Variants in IER3IP1 observed in about 807,000 individuals in gnomAD.
IER3IP1 encodes immediate early response 3 interacting protein 1.
In IER3IP1, 16 loss-of-function variants were observed where a neutral mutation model predicts 12.2. The ratio of observed to expected loss-of-function variants is 1.31; its 90% CI spans 0.89 to 1.99. The LOEUF is 1.99. IER3IP1 is among the 30% of genes most tolerant of loss of function. IER3IP1 has a pLI of 0.00. For missense variants in IER3IP1, 95 were observed against 95.8 expected, an observed-to-expected ratio of 0.99 and a Z score of 0.03; for synonymous variants, 42 against 40.0, an observed-to-expected ratio of 1.05 and a Z score of -0.19.
In IER3IP1 at chr18:47,156,197, A is replaced by C. The variant is rs1189133572; in HGVS notation, c.229T>G (p.Leu77Val). The change falls in exon 3 of 3, where the codon TTA (leucine) becomes GTA (valine). Residue 77 changes from leucine (L) to valine (V), a missense_variant. Transcript: ENST00000256433. ...LIIVNSIAIV[L>V]LLLFG ...GATATTCATCCAAATAATAAAAGTAACACAATTGCAATTGAGTTTACTATT... is the reference window on the plus strand; with the variant it reads ...GATATTCATCCAAATAATAAAAGTACCACAATTGCAATTGAGTTTACTATT... The C allele has an allele frequency of 1.3e-6, 2 of 1,566,042 alleles. No homozygotes were observed. The highest frequency in any genetic ancestry group is 1.8e-6 in the Non-Finnish European group (2 of 1,136,726).
chr18:47,159,668 C>G (rs1205601250), intron 1 of IER3IP1, among the ~76,000 whole-genome samples: 2 of 152,108 alleles, frequency 1.3e-5, no homozygotes, highest in Admixed American at 6.5e-5. Flanking sequence ...TGTGTTATTA[C>G]AGGGAGAGAT....
At chr18:47,171,678 A>G (rs980584422) in intron 1 of IER3IP1, among the ~76,000 whole-genome samples, 18 of 152,136 alleles carry the variant, frequency 1.2e-4, no homozygotes, top group African/African-American at 3.4e-4. Flanking sequence ...CTTTCACTGT[A>G]ATCTTTATTA....
At position 47,172,862 on chromosome 18, in the gene IER3IP1, G is replaced by A. The variant is rs1254771873; in HGVS notation, c.91+3325C>T. 6.6e-6 allele frequency among the ~76,000 whole-genome samples: 1 copy of A among 152,064 alleles called. No homozygotes were observed. Among genetic ancestry groups the A allele is most frequent in the Non-Finnish European group, 1.5e-5 (1 of 68,014 alleles). On this transcript the variant is annotated intron_variant, in intron 1 of 2. Transcript: ENST00000256433. The surrounding 1 kb of genome is among the most constrained non-coding windows in gnomAD (Gnocchi z 4.0). ...GACTCTGGTGAAATCCCACTGTCTA[G>A]GTTTTTCCATCTCTCTGTTTTGCTC...
chr18:47,157,557 G>C lies in IER3IP1; in HGVS notation c.92-20C>G, dbSNP rs201651367. 45 of 1,606,842 alleles carry C rather than the reference G, an allele frequency of 2.8e-5. No individual in the cohort carries two copies. Among genetic ancestry groups the C allele is most frequent in the Non-Finnish European group, 3.6e-5 (42 of 1,173,430 alleles). On this transcript the variant is annotated intron_variant, in intron 1 of 2. Coordinates refer to ENST00000256433, the MANE Select transcript of IER3IP1 (RefSeq NM_016097.5). ...AGCCAACTGTATAATGTAAAGATTAGCTGTGTTAAAAGTTATTACACACTT... is the reference window on the plus strand; with the variant it reads ...AGCCAACTGTATAATGTAAAGATTACCTGTGTTAAAAGTTATTACACACTT...
chr18:47,175,252 CAG>C (rs1462911270), intron 1 of IER3IP1, among the ~76,000 whole-genome samples: 11 of 152,120 alleles, frequency 7.2e-5, no homozygotes, highest in African/African-American at 1.2e-4. Context: ...TAAATTCTAG[CAG>C]AGTTTTTGGC....
rs2063958628 is a variant in IER3IP1 at position 47,156,245 on chromosome 18, A to G, written c.194-13T>C. On this transcript the variant is annotated splice_polypyrimidine_tract_variant and intron_variant, in intron 2 of 2. Transcript: ENST00000256433. Reference sequence around the variant, plus strand: ...ATTATCAATGGCACTGTAAAGAGAAAAAAAAAAGTTTGTTACTATAAAGAA... The same window carrying G: ...ATTATCAATGGCACTGTAAAGAGAAGAAAAAAAGTTTGTTACTATAAAGAA... 1 of 1,491,412 alleles carries G rather than the reference A, an allele frequency of 6.7e-7. No individual in the cohort carries two copies. Among genetic ancestry groups the G allele is most frequent in the Non-Finnish European group, 9.3e-7 (1 of 1,079,360 alleles). 92.4% of individuals were successfully genotyped at this position (1,491,412 alleles called of 1,614,324 possible).
At chr18:47,162,735 GA>G (rs1270883001) in intron 1 of IER3IP1, among the ~76,000 whole-genome samples, 1 of 151,970 alleles carries the variant, frequency 6.6e-6, no homozygotes, top group African/African-American at 2.4e-5. Context: ...ATCCCCAAAC[GA>G]AGGACATGAG....
At chr18:47,162,168 C>T (rs2063981976) in intron 1 of IER3IP1, among the ~76,000 whole-genome samples, 1 of 152,068 alleles carries the variant, frequency 6.6e-6, no homozygotes, top group Non-Finnish European at 1.5e-5. Flanking sequence ...AGGCCACAGA[C>T]CTATTAGGAA....
intron 1 of IER3IP1, among the ~76,000 whole-genome samples, chr18:47,174,450 C>G (rs2064024892): frequency 6.6e-6 from 1 of 152,140 alleles, no homozygotes; most frequent in Non-Finnish European, 1.5e-5. Flanking sequence ...GTGGGCAGAT[C>G]ACGAGGTCAG....
rs751355418 is a variant in IER3IP1 at position 47,176,304 on chromosome 18, A to G, written c.-27T>C. 1.3e-6 allele frequency: 2 copies of G among 1,576,868 alleles called. No homozygotes were observed. The highest frequency in any genetic ancestry group is 1.7e-6 in the Non-Finnish European group (2 of 1,157,776). On this transcript the variant is annotated 5_prime_UTR_variant, in exon 1 of 3. Coordinates refer to ENST00000256433, the MANE Select transcript of IER3IP1 (RefSeq NM_016097.5). ...GCCGTCCGAGGCCGCCCCGAAGTCC[A>G]AGCGATTTCTCTCCCGCCGCCGCAA... is the stretch of plus-strand genomic sequence containing the variant.
At chr18:47,165,171 A>C (rs2063992271) in intron 1 of IER3IP1, among the ~76,000 whole-genome samples, 1 of 152,236 alleles carries the variant, frequency 6.6e-6, no homozygotes, top group African/African-American at 2.4e-5. Flanking sequence ...TTTACATGTG[A>C]TCAAATGCTA....
intron 1 of IER3IP1, among the ~76,000 whole-genome samples, chr18:47,162,735 G>A (rs1379918928): frequency 1.3e-5 from 2 of 151,970 alleles, no homozygotes; most frequent in Non-Finnish European, 2.9e-5. Context: ...ATCCCCAAAC[G>A]AAGGACATGA....
At chr18:47,160,528 A>G (rs1244152587) in intron 1 of IER3IP1, among the ~76,000 whole-genome samples, 1 of 152,224 alleles carries the variant, frequency 6.6e-6, no homozygotes, top group Non-Finnish European at 1.5e-5. Flanking sequence ...CTGGTAGCCA[A>G]TCCACTCACC....
intron 2 of IER3IP1, 135 bp from the exon 3 acceptor site, chr18:47,156,367 C>T: frequency 1.6e-6 from 1 of 633,578 alleles, no homozygotes; most frequent in Non-Finnish European, 2.8e-6. Flanking sequence ...AAAGTTATAA[C>T]AAAGAAACAT....
intron 2 of IER3IP1, chr18:47,157,062 G>T (rs1442605513): frequency 9.0e-6 from 2 of 222,878 alleles, no homozygotes; most frequent in Non-Finnish European, 1.8e-5. Context: ...AAAGTGTTGG[G>T]ATTACAGGAG....
chr18:47,157,273 GAAAAAA>G, intron 2 of IER3IP1, 157 bp downstream of exon 2: 1 of 501,344 alleles, frequency 2.0e-6, no homozygotes, highest in Non-Finnish European at 3.3e-6. Flanking sequence ...AGCAAACTAA[GAAAAAA>G]AAAAAAAAAA....
At chr18:47,157,817 CTGTT>C (rs1568070821) in intron 1 of IER3IP1, among the ~76,000 whole-genome samples, 3 of 152,164 alleles carry the variant, frequency 2.0e-5, no homozygotes, top group Non-Finnish European at 2.9e-5. Flanking sequence ...ATCTTTGTAA[CTGTT>C]TTTTTCTCCT....
At position 47,157,473 on chromosome 18, in the gene IER3IP1, T is replaced by C. The variant is rs1476264615; in HGVS notation, c.156A>G (p.Leu52=). Residue 52 remains leucine, a synonymous_variant, in exon 2 of 3, where the codon CTA becomes CTG. Coordinates refer to ENST00000256433, the MANE Select transcript of IER3IP1 (RefSeq NM_016097.5). Reference sequence around the variant, plus strand: ...TTCTTACAGATCGAATAAGGTTCATTAGCTGTGATTTAATTCCCGGCTCTT... The same window carrying C: ...TTCTTACAGATCGAATAAGGTTCATCAGCTGTGATTTAATTCCCGGCTCTT... ...FGEEPGIKSQ[L]MNLIRSVRTV... is the part of the protein sequence containing the mutation. 6.2e-7 allele frequency: 1 copy of C among 1,614,132 alleles called. No homozygotes were observed. Among genetic ancestry groups the C allele is most frequent in the Admixed American group, 1.7e-5 (1 of 60,020 alleles).
At position 47,169,223 on chromosome 18, in the gene IER3IP1, C is replaced by T. The variant is rs1018763024; in HGVS notation, c.91+6964G>A. On this transcript the variant is annotated intron_variant, in intron 1 of 2. Coordinates refer to ENST00000256433, the MANE Select transcript of IER3IP1 (RefSeq NM_016097.5). ...GGTCTTTTACGACTAGCTTCTTTCA[C>T]TTAATATAATGATTTCAAGGTTCAT... Among the ~76,000 whole-genome samples, 4 of 152,156 alleles carry T rather than the reference C, an allele frequency of 2.6e-5. 1 individual carries two copies. In the South Asian group the frequency reaches 8.3e-4, roughly 31 times the overall value.
Sources: allele counts gnomAD v4.1 joint callset (sites outside exome capture counted in the v4.1 genomes callset), GRCh38; gene constraint gnomAD v4.1.1; non-coding constraint Gnocchi (gnomAD v3.1); transcripts MANE v1.5; gene names NCBI Gene and HGNC (gene_info 2026-07-23, HGNC 2026-07-21).